SLC35A1: variants seen among roughly 807,000 people sequenced by gnomAD.
SLC35A1 encodes CMP-sialic acid transporter.
A neutral mutation model predicts 40.3 loss-of-function variants in SLC35A1; 21 were observed. That is an observed-to-expected ratio of 0.52 (90% CI 0.37 to 0.75). SLC35A1 has a LOEUF of 0.75. Ranked by LOEUF, SLC35A1 falls within the 30% of genes least tolerant of loss-of-function variation. The pLI is 0.00. For synonymous variants in SLC35A1, 146 were observed against 147.3 expected, an observed-to-expected ratio of 0.99 and a Z score of 0.06; for missense variants, 297 against 382.1, an observed-to-expected ratio of 0.78 and a Z score of 1.86.
At chr6:87,501,375 TCA>T in intron 4 of SLC35A1, 65 bp downstream of exon 4, 1 of 1,480,578 alleles carries the variant, frequency 6.8e-7, no homozygotes, top group Non-Finnish European at 9.3e-7. Context: ...CTTATACTGT[TCA>T]GTTACATTGA....
intron 7 of SLC35A1, among the ~76,000 whole-genome samples, chr6:87,510,207 C>G (rs933693786): frequency 6.6e-6 from 1 of 152,188 alleles, no homozygotes; most frequent in Non-Finnish European, 1.5e-5. Context: ...TTACCAACCA[C>G]TTACCATTTC....
chr6:87,508,058 TAA>T (rs1183824615), intron 5 of SLC35A1, among the ~76,000 whole-genome samples: 1 of 152,118 alleles, frequency 6.6e-6, no homozygotes, highest in African/African-American at 2.4e-5. Flanking sequence ...AATTCACTCT[TAA>T]TGTAGTTTTT....
chr6:87,474,176 A>G (rs1769001599), intron 1 of SLC35A1, among the ~76,000 whole-genome samples: 1 of 152,256 alleles, frequency 6.6e-6, no homozygotes, highest in Non-Finnish European at 1.5e-5. Context: ...TCAAATCATT[A>G]CTTGAAATAG....
At position 87,511,901 on chromosome 6, in the gene SLC35A1, A is replaced by C. The variant is rs550672825; in HGVS notation, c.*375A>C. ...AAAGTGCCAAAGCCATTTCTGTACT[A>C]ACTGTTCTCTTGTTCCGGTACCGGG... On this transcript the variant is annotated 3_prime_UTR_variant, in exon 8 of 8. Transcript: ENST00000369552. The C allele has an allele frequency of 8.5e-5, 25 of 295,470 alleles. No individual in the cohort carries two copies. The highest frequency in any genetic ancestry group is 4.6e-4 in the African/African-American group (21 of 45,654). The allele number at this position is 295,470 out of a possible 1,614,324, so 18.3% of individuals were successfully genotyped here. A position where few individuals can be genotyped will look rare whatever the true frequency, so the allele number is the denominator to read the frequency against.
intron 2 of SLC35A1, among the ~76,000 whole-genome samples, chr6:87,486,086 G>T (rs1411166062): frequency 1.3e-5 from 2 of 152,144 alleles, no homozygotes; most frequent in African/African-American, 2.4e-5. Context: ...TTTTGGAACT[G>T]TGCAAAGCTT....
In SLC35A1 at chr6:87,506,284, A is replaced by G. The variant is rs1480092183; in HGVS notation, c.508-98A>G. 7 of 920,056 alleles carry G rather than the reference A, an allele frequency of 7.6e-6. No homozygotes were observed. The African/African-American group carries it at 1.1e-4, about 15-fold the overall frequency. 57.0% of individuals were successfully genotyped at this position (920,056 alleles called of 1,614,324 possible). A position where few individuals can be genotyped will look rare whatever the true frequency, so the allele number is the denominator to read the frequency against. On this transcript the variant is annotated intron_variant, in intron 4 of 7. Transcript: ENST00000369552. ...TGTGTCTGATGTGGAATATACTTTT[A>G]GTAAGACTGTAACAGGTTTTTGTAT...
At chr6:87,501,612 A>C (rs1749075062) in intron 4 of SLC35A1, among the ~76,000 whole-genome samples, 1 of 152,148 alleles carries the variant, frequency 6.6e-6, no homozygotes, top group African/African-American at 2.4e-5. Flanking sequence ...ACTTGTCCTA[A>C]ATTAGTTAAT....
intron 1 of SLC35A1, among the ~76,000 whole-genome samples, chr6:87,473,377 A>G (rs940282836): frequency 2.6e-5 from 4 of 152,066 alleles, no homozygotes; most frequent in Admixed American, 2.6e-4. Flanking sequence ...CCAGCGAGGC[A>G]GGACAGTTCT....
intron 4 of SLC35A1, among the ~76,000 whole-genome samples, chr6:87,503,528 T>C (rs540762507): frequency 1.3e-5 from 2 of 152,170 alleles, no homozygotes; most frequent in East Asian, 3.9e-4. Flanking sequence ...CTGGCTAACA[T>C]GGTGAAACCC....
At chr6:87,486,592 G>A (rs1769399111) in intron 2 of SLC35A1, among the ~76,000 whole-genome samples, 1 of 148,700 alleles carries the variant, frequency 6.7e-6, no homozygotes, top group African/African-American at 2.6e-5. Flanking sequence ...AATAGGTGAT[G>A]TTATGAGGGA....
intron 2 of SLC35A1, among the ~76,000 whole-genome samples, chr6:87,488,749 C>T (rs1769460138): frequency 6.6e-6 from 1 of 152,224 alleles, no homozygotes; most frequent in African/African-American, 2.4e-5. Flanking sequence ...TAGTCACACT[C>T]ACTTCATGTG....
chr6:87,497,371 A>C (rs1207313277), intron 2 of SLC35A1, among the ~76,000 whole-genome samples: 1 of 152,206 alleles, frequency 6.6e-6, no homozygotes, highest in South Asian at 2.1e-4. Context: ...CCGTGAAAAA[A>C]TAGCTCCTAA....
intron 4 of SLC35A1, among the ~76,000 whole-genome samples, chr6:87,504,837 G>A (rs1176737728): frequency 1.3e-5 from 2 of 152,206 alleles, no homozygotes; most frequent in Non-Finnish European, 2.9e-5. Context: ...CCCAGCAGAT[G>A]TTGGGATAGG....
At chr6:87,506,668 T>A (rs567480806) in intron 5 of SLC35A1, among the ~76,000 whole-genome samples, 4 of 152,308 alleles carry the variant, frequency 2.6e-5, no homozygotes, top group Admixed American at 6.5e-5. Flanking sequence ...GTTAACTACT[T>A]CTGTTATCCT....
intron 2 of SLC35A1, among the ~76,000 whole-genome samples, chr6:87,484,020 C>T (rs1238640604): frequency 6.6e-6 from 1 of 152,246 alleles, no homozygotes; most frequent in Non-Finnish European, 1.5e-5. Context: ...CACGCACACA[C>T]ACATTCAGCC....
rs368614868 is a variant in SLC35A1, at chr6:87,511,518, G to C, written c.1006G>C (p.Gly336Arg). 6.8e-6 allele frequency: 11 copies of C among 1,613,790 alleles called. No homozygotes were observed. The highest frequency in any genetic ancestry group is 9.3e-6 in the Non-Finnish European group (11 of 1,179,926). The change falls in exon 8 of 8, where the codon GGT becomes CGT. Residue 336 changes from glycine (G) to arginine (R), a missense_variant. Coordinates refer to ENST00000369552, the MANE Select transcript of SLC35A1 (RefSeq NM_006416.5). ...AACAGCTTCAAAGGAGAGAGTTATT[G>C]GTGTGTGATTTTAGCCTCACGTGAG... ...GETASKERVI[G>R]V
Position 87,509,028 on chromosome 6 carries a change from C to T in SLC35A1, c.752-13C>T. ...ATTTGAGTGATAAGATTTTATTTCT[C>T]TCTGTATACAAGTTCTTGCAAGTGT... On this transcript the variant is annotated splice_polypyrimidine_tract_variant and intron_variant, in intron 6 of 7. Coordinates refer to ENST00000369552, the MANE Select transcript of SLC35A1 (RefSeq NM_006416.5). The T allele has an allele frequency of 6.2e-7, 1 of 1,613,618 alleles. No homozygotes were observed. Among genetic ancestry groups the T allele is most frequent in the Non-Finnish European group, 8.5e-7 (1 of 1,179,564 alleles).
chr6:87,492,545 A>ATTT (rs59459204), intron 2 of SLC35A1, among the ~76,000 whole-genome samples: 1 of 115,042 alleles, frequency 8.7e-6, no homozygotes, highest in Non-Finnish European at 1.7e-5. Context: ...ATTTATCTTG[A>ATTT]TTTTTTTTTT....
At chr6:87,509,675 A>G (rs1305740002) in intron 7 of SLC35A1, among the ~76,000 whole-genome samples, 1 of 152,194 alleles carries the variant, frequency 6.6e-6, no homozygotes, top group Non-Finnish European at 1.5e-5. Flanking sequence ...ATCAAAATCT[A>G]GATTTTGTCT....
Sources: gnomAD v4.1 joint callset for allele counts (sites outside exome capture counted in the v4.1 genomes callset) on GRCh38, gnomAD v4.1.1 for gene constraint, MANE v1.5 for transcripts, NCBI Gene and HGNC (gene_info 2026-07-23, HGNC 2026-07-21) for gene names.